The following FHIT variants were observed in gnomAD, a reference collection of about 807,000 sequenced individuals.
FHIT encodes bis(5'-adenosyl)-triphosphatase.
In FHIT, 19 loss-of-function variants were observed where a neutral mutation model predicts 17.9. The ratio of observed to expected loss-of-function variants is 1.06; its 90% CI spans 0.74 to 1.56. The LOEUF (loss-of-function observed/expected upper bound fraction) is 1.56. Ranked by LOEUF, FHIT falls within the 40% of genes most tolerant of loss-of-function variation. The probability of loss-of-function intolerance (pLI) is 0.00; values close to 1 mark genes in which losing one functional copy is unlikely to be tolerated. For synonymous variants in FHIT, 81 were observed against 69.7 expected, an observed-to-expected ratio of 1.16 and a Z score of -0.81; for missense variants, 248 against 189.2, an observed-to-expected ratio of 1.31 and a Z score of -1.82.
At chr3:61,224,093 A>G (rs561092732) in intron 1 of FHIT, among the ~76,000 whole-genome samples, 87 of 152,370 alleles carry the variant, frequency 5.7e-4, no homozygotes, top group Non-Finnish European at 5.9e-5. Context: ...TGAAAAATGC[A>G]AAGACAGCAA....
At chr3:60,541,622 G>A (rs1458525772) in intron 4 of FHIT, among the ~76,000 whole-genome samples, 1 of 152,214 alleles carries the variant, frequency 6.6e-6, no homozygotes, top group Non-Finnish European at 1.5e-5. Context: ...ATCCTTCAGA[G>A]TAATACTGCT....
At chr3:61,215,771 A>T (rs570122109) in intron 1 of FHIT, among the ~76,000 whole-genome samples, 1 of 152,358 alleles carries the variant, frequency 6.6e-6, no homozygotes, top group South Asian at 2.1e-4. Context: ...TAACCAAAAC[A>T]GCATGGTACT....
chr3:60,668,519 T>C (rs1261056122), intron 4 of FHIT, among the ~76,000 whole-genome samples: 2 of 150,490 alleles, frequency 1.3e-5, no homozygotes, highest in Admixed American at 1.3e-4. Context: ...TCTGCTACTG[T>C]GCTGTTCCTC....
intron 2 of FHIT, among the ~76,000 whole-genome samples, chr3:61,195,129 A>C (rs1459076773): frequency 1.3e-5 from 2 of 151,332 alleles, no homozygotes; most frequent in Non-Finnish European, 3.0e-5. Context: ...GGAAGAAAGA[A>C]AAAAAAAAGT....
intron 7 of FHIT, among the ~76,000 whole-genome samples, chr3:59,958,916 T>C (rs1283731352): frequency 6.6e-6 from 1 of 152,230 alleles, no homozygotes; most frequent in Non-Finnish European, 1.5e-5. Context: ...CAGCAACCTC[T>C]GTCATTACAA....
intron 5 of FHIT, among the ~76,000 whole-genome samples, chr3:60,249,829 A>C (rs561641483): frequency 6.6e-6 from 1 of 152,188 alleles, no homozygotes; most frequent in South Asian, 2.1e-4. Flanking sequence ...GATTTAGTGG[A>C]CTCACAGTTC....
chr3:60,308,678 G>A (rs1314454093), intron 5 of FHIT, among the ~76,000 whole-genome samples: 4 of 151,932 alleles, frequency 2.6e-5, no homozygotes, highest in African/African-American at 9.7e-5. Context: ...ACACAACATT[G>A]TTTTAAGAAT....
At chr3:60,849,462 A>G (rs1703058246) in intron 3 of FHIT, among the ~76,000 whole-genome samples, 1 of 148,180 alleles carries the variant, frequency 6.7e-6, no homozygotes, top group Non-Finnish European at 1.5e-5. Flanking sequence ...ATATATATAT[A>G]TAAAATTATT....
intron 5 of FHIT, among the ~76,000 whole-genome samples, chr3:60,092,966 T>A (rs960835259): frequency 5.9e-5 from 9 of 151,974 alleles, no homozygotes; most frequent in African/African-American, 1.5e-4. Flanking sequence ...GAAGAAAAAA[T>A]TCCAAATGGA....
At chr3:60,725,263 C>T (rs189916438) in intron 4 of FHIT, among the ~76,000 whole-genome samples, 1 of 152,238 alleles carries the variant, frequency 6.6e-6, no homozygotes, top group Admixed American at 6.5e-5. Context: ...TCAATCATGT[C>T]CTTTAAAGCA....
chr3:61,204,084 G>T (rs532161528), intron 1 of FHIT, among the ~76,000 whole-genome samples: 7 of 152,284 alleles, frequency 4.6e-5, no homozygotes, highest in African/African-American at 1.7e-4. Flanking sequence ...AACAAAAGAA[G>T]CAAGTCACAG....
intron 3 of FHIT, among the ~76,000 whole-genome samples, chr3:60,855,476 G>A (rs782526831): frequency 7.2e-5 from 11 of 152,238 alleles, no homozygotes; most frequent in Non-Finnish European, 1.2e-4. Flanking sequence ...TGAGGCAATA[G>A]CCAAAAGAGG....
intron 4 of FHIT, among the ~76,000 whole-genome samples, chr3:60,580,140 T>C (rs931467382): frequency 6.6e-6 from 1 of 152,102 alleles, no homozygotes; most frequent in Non-Finnish European, 1.5e-5. Flanking sequence ...TCGTTCCAAC[T>C]CTAAAATTTA....
intron 5 of FHIT, among the ~76,000 whole-genome samples, chr3:60,238,347 T>C (rs942883224): frequency 5.3e-5 from 8 of 150,454 alleles, no homozygotes; most frequent in African/African-American, 2.0e-4. Context: ...TATTTAATAA[T>C]ATTAAATGTT....
At chr3:60,012,260 T>TG (rs1368282164) in intron 6 of FHIT, among the ~76,000 whole-genome samples, 1 of 139,822 alleles carries the variant, frequency 7.2e-6, no homozygotes, top group African/African-American at 3.0e-5. Flanking sequence ...AGGTGTTTTT[T>TG]TTGTTGTTTT....
At chr3:59,910,357 G>C (rs1403063724) in intron 8 of FHIT, among the ~76,000 whole-genome samples, 1 of 152,188 alleles carries the variant, frequency 6.6e-6, no homozygotes, top group Non-Finnish European at 1.5e-5. Flanking sequence ...TTATCTCAGT[G>C]AGCAGAGGGG....
intron 5 of FHIT, among the ~76,000 whole-genome samples, chr3:60,405,925 T>A (rs1270608525): frequency 6.6e-6 from 1 of 152,190 alleles, no homozygotes; most frequent in Non-Finnish European, 1.5e-5. Context: ...CCCATTGGAA[T>A]CATGGCAACA....
chr3:59,795,129 T>C (rs1429638453), intron 8 of FHIT, among the ~76,000 whole-genome samples: 5 of 152,216 alleles, frequency 3.3e-5, no homozygotes, highest in Non-Finnish European at 5.9e-5. Flanking sequence ...CTCATGCCTG[T>C]AATCCCAGCA....
intron 8 of FHIT, among the ~76,000 whole-genome samples, chr3:59,804,568 T>G (rs1031573170): frequency 3.3e-5 from 5 of 152,222 alleles, no homozygotes; most frequent in Admixed American, 2.0e-4. Flanking sequence ...ACAGAATTTT[T>G]GGGGGTCTAA....
Sources: gnomAD v4.1 joint callset for allele counts (sites outside exome capture counted in the v4.1 genomes callset) on GRCh38, gnomAD v4.1.1 for gene constraint, MANE v1.5 for transcripts, NCBI Gene and HGNC (gene_info 2026-07-23, HGNC 2026-07-21) for gene names.